SNTG1: variants seen among roughly 807,000 people sequenced by gnomAD.
SNTG1 encodes syntrophin gamma 1, also known as gamma-1-syntrophin.
In SNTG1, 39 loss-of-function variants were observed where a neutral mutation model predicts 74.7. The ratio of observed to expected loss-of-function variants is 0.52; its 90% CI spans 0.40 to 0.68. The LOEUF (loss-of-function observed/expected upper bound fraction) is 0.68, where lower values mean the gene tolerates loss of function less well. Among genes scored for constraint, SNTG1 ranks in the 30% least tolerant of loss-of-function variants. The probability of loss-of-function intolerance (pLI) is 0.00; values close to 1 mark genes in which losing one functional copy is unlikely to be tolerated. For missense variants in SNTG1, 685 were observed against 609.5 expected (o/e 1.12, Z -1.30); for synonymous variants, 254 against 217.1 (o/e 1.17, Z -1.49).
intron 2 of SNTG1, among the ~76,000 whole-genome samples, chr8:50,272,561 C>T (rs180685196): frequency 1.1e-4 from 16 of 152,184 alleles, no homozygotes; most frequent in Middle Eastern, 3.4e-3. Flanking sequence ...TCTTGCTTGA[C>T]GGGTATAGAT....
chr8:50,223,287 A>G (rs1409626262), intron 2 of SNTG1, among the ~76,000 whole-genome samples: 1 of 152,124 alleles, frequency 6.6e-6, no homozygotes, highest in African/African-American at 2.4e-5. Context: ...ACACTAAAAG[A>G]ACAAAAATAC....
intron 2 of SNTG1, among the ~76,000 whole-genome samples, chr8:50,331,268 G>T (rs1291984124): frequency 6.6e-6 from 1 of 152,152 alleles, no homozygotes; most frequent in African/African-American, 2.4e-5. Context: ...AGCACACCTT[G>T]TGGGGCTGGT....
At chr8:49,974,526 G>A (rs181382773) in intron 1 of SNTG1, among the ~76,000 whole-genome samples, 72 of 152,252 alleles carry the variant, frequency 4.7e-4, no homozygotes, top group African/African-American at 1.6e-3. Flanking sequence ...CAAGATGAAT[G>A]CAAAAGGGAT....
intron 1 of SNTG1, among the ~76,000 whole-genome samples, chr8:50,067,107 T>C (rs1262974287): frequency 6.6e-6 from 1 of 152,210 alleles, no homozygotes; most frequent in African/African-American, 2.4e-5. Context: ...AAATGTGCCT[T>C]CTCTTATGAA....
chr8:49,940,358 G>T (rs981538358), intron 1 of SNTG1, among the ~76,000 whole-genome samples: 3 of 152,158 alleles, frequency 2.0e-5, no homozygotes, highest in Non-Finnish European at 4.4e-5. Flanking sequence ...TGGTTGGTTA[G>T]CTTAGCGAAA....
At chr8:50,651,182 A>AT (rs562857562) in intron 13 of SNTG1, among the ~76,000 whole-genome samples, 5 of 148,364 alleles carry the variant, frequency 3.4e-5, no homozygotes, top group African/African-American at 7.5e-5. Context: ...ACCTATTTGT[A>AT]TTTTTTTTCT....
At chr8:49,911,208 C>G (rs1350888811), upstream of SNTG1, 1 of 152,126 alleles carries the variant, frequency 6.6e-6, no homozygotes, top group African/African-American at 2.4e-5. Context: ...AATGTGGTCC[C>G]CTTAATTGGT....
At chr8:50,508,136 TCAG>T in intron 9 of SNTG1, among the ~76,000 whole-genome samples, 1 of 152,208 alleles carries the variant, frequency 6.6e-6, no homozygotes, top group Non-Finnish European at 1.5e-5. Flanking sequence ...TTCTCACTGT[TCAG>T]TTCCTACCTA....
intron 2 of SNTG1, among the ~76,000 whole-genome samples, chr8:50,326,748 C>T (rs892429591): frequency 6.6e-6 from 1 of 151,068 alleles, no homozygotes; most frequent in Admixed American, 6.6e-5. Flanking sequence ...TTCATTTACT[C>T]TTATTTTTCT....
chr8:50,328,759 G>A (rs545182800), intron 2 of SNTG1, among the ~76,000 whole-genome samples: 16 of 152,078 alleles, frequency 1.1e-4, no homozygotes, highest in African/African-American at 3.4e-4. Context: ...TCTGCCCATG[G>A]CCCCTCCCAA....
chr8:50,433,746 G>C (rs895897857), intron 4 of SNTG1, among the ~76,000 whole-genome samples: 3 of 152,024 alleles, frequency 2.0e-5, no homozygotes, highest in Admixed American at 2.0e-4. Flanking sequence ...TTCATGACCT[G>C]TGCTAAGTGC....
intron 11 of SNTG1, among the ~76,000 whole-genome samples, chr8:50,538,499 C>G (rs984461275): frequency 1.3e-5 from 2 of 152,090 alleles, no homozygotes; most frequent in Non-Finnish European, 2.9e-5. Flanking sequence ...CAGTTCTTTT[C>G]TTTCAGTACC....
chr8:49,921,163 A>G (rs565689591), intron 1 of SNTG1, among the ~76,000 whole-genome samples: 1 of 152,230 alleles, frequency 6.6e-6, no homozygotes, highest in Non-Finnish European at 1.5e-5. Flanking sequence ...TTGAGAGAAT[A>G]AAAGAAAAAC....
intron 9 of SNTG1, among the ~76,000 whole-genome samples, chr8:50,508,294 C>T (rs1276956165): frequency 6.6e-6 from 1 of 152,126 alleles, no homozygotes; most frequent in Non-Finnish European, 1.5e-5. Context: ...TGTATATGTG[C>T]CACATTTTCT....
chr8:50,006,486 T>A (rs190806290), intron 1 of SNTG1, among the ~76,000 whole-genome samples: 1 of 152,348 alleles, frequency 6.6e-6, no homozygotes, highest in Admixed American at 6.5e-5. Flanking sequence ...ACATACTTTT[T>A]AATTGTGTTC....
At chr8:49,988,252 C>CA (rs1378778919) in intron 1 of SNTG1, among the ~76,000 whole-genome samples, 2 of 152,036 alleles carry the variant, frequency 1.3e-5, no homozygotes, top group East Asian at 3.9e-4. Context: ...CAATTTTCAA[C>CA]AAAAAAATTA....
At chr8:50,656,796 T>C (rs1403450156) in intron 13 of SNTG1, 113 bp from the exon 14 acceptor site, 2 of 702,278 alleles carry the variant, frequency 2.8e-6, no homozygotes, top group Non-Finnish European at 4.6e-6. Flanking sequence ...GAGTTTTTAA[T>C]ACTACATGAA....
intron 2 of SNTG1, among the ~76,000 whole-genome samples, chr8:50,392,534 T>G (rs2092675833): frequency 6.6e-6 from 1 of 152,204 alleles, no homozygotes; most frequent in Admixed American, 6.5e-5. Context: ...TGCTTTCAGT[T>G]TGGTGATGTG....
At chr8:50,052,181 T>A (rs1460288347) in intron 1 of SNTG1, among the ~76,000 whole-genome samples, 1 of 152,076 alleles carries the variant, frequency 6.6e-6, no homozygotes, top group African/African-American at 2.4e-5. Flanking sequence ...AGTAATCAGA[T>A]AATATAATAT....
Sources: allele counts gnomAD v4.1 joint callset (sites outside exome capture counted in the v4.1 genomes callset), GRCh38; gene constraint gnomAD v4.1.1; transcripts MANE v1.5; gene names NCBI Gene and HGNC (gene_info 2026-07-23, HGNC 2026-07-21).